PALM2AKAP2: variants seen among roughly 807,000 people sequenced by gnomAD.
PALM2AKAP2 encodes PALM2 and AKAP2 fusion.
A neutral mutation model predicts 71.5 loss-of-function variants in PALM2AKAP2; 37 were observed. The observed-to-expected ratio is 0.52, with a 90% CI of 0.40 to 0.68. The LOEUF is 0.68. Ranked by LOEUF, PALM2AKAP2 falls within the 30% of genes least tolerant of loss-of-function variation. The pLI is 0.00. For missense variants in PALM2AKAP2, 1,224 were observed against 1,191.8 expected, an observed-to-expected ratio of 1.03 and a Z score of -0.40; for synonymous variants, 468 against 478.8, an observed-to-expected ratio of 0.98 and a Z score of 0.29.
chr9:109,768,748 A>G (rs1170619874), intron 1 of PALM2AKAP2, among the ~76,000 whole-genome samples: 2 of 152,210 alleles, frequency 1.3e-5, no homozygotes, highest in Admixed American at 6.5e-5. Context: ...GGCTGATATG[A>G]GGTTTACATT....
At chr9:110,169,277 T>C (rs1299599673) in exon 4 of PALM2AKAP2, 1 of 152,672 alleles carries the variant, frequency 6.5e-6, no homozygotes, top group African/African-American at 2.4e-5. Context: ...TTCACAGTTA[T>C]GTTTCTTCAT....
At chr9:109,822,692 C>T (rs1214732695) in intron 1 of PALM2AKAP2, among the ~76,000 whole-genome samples, 1 of 152,200 alleles carries the variant, frequency 6.6e-6, no homozygotes, top group African/African-American at 2.4e-5. Flanking sequence ...TATGTTGCTG[C>T]AAAGGACATG....
intron 1 of PALM2AKAP2, among the ~76,000 whole-genome samples, chr9:109,739,900 G>T (rs183869340): frequency 2.0e-5 from 3 of 152,324 alleles, no homozygotes; most frequent in African/African-American, 7.2e-5. Flanking sequence ...ACACTGTCAT[G>T]TGTCATCTTG....
At chr9:110,147,319 C>A (rs1836201513) in intron 2 of PALM2AKAP2, among the ~76,000 whole-genome samples, 1 of 151,642 alleles carries the variant, frequency 6.6e-6, no homozygotes, top group African/African-American at 2.4e-5. Flanking sequence ...AGTCACTTCT[C>A]TGGATTCATA....
chr9:109,943,432 C>A (rs1009540812), intron 6 of PALM2AKAP2: 1 of 1,591,726 alleles, frequency 6.3e-7, no homozygotes, highest in Non-Finnish European at 8.5e-7. Flanking sequence ...GTGACCACTT[C>A]TTTCTTCTCC....
intron 1 of PALM2AKAP2, among the ~76,000 whole-genome samples, chr9:109,688,426 C>A (rs893847526): frequency 3.3e-5 from 5 of 152,220 alleles, no homozygotes; most frequent in Non-Finnish European, 7.3e-5. Context: ...GCATTCAGAG[C>A]CTTGCTCTAT....
At chr9:109,935,450 A>C (rs188533889) in intron 6 of PALM2AKAP2, among the ~76,000 whole-genome samples, 1 of 152,320 alleles carries the variant, frequency 6.6e-6, no homozygotes, top group South Asian at 2.1e-4. Flanking sequence ...CCCAAGGCAC[A>C]TGTTTCTGTG....
At chr9:109,962,481 AATC>A (rs1056890062) in intron 6 of PALM2AKAP2, among the ~76,000 whole-genome samples, 1 of 152,212 alleles carries the variant, frequency 6.6e-6, no homozygotes, top group Non-Finnish European at 1.5e-5. Flanking sequence ...TTGGGAAAAA[AATC>A]ATATGGCCCA....
At chr9:109,926,559 T>G (rs1379173372) in intron 5 of PALM2AKAP2, among the ~76,000 whole-genome samples, 1 of 152,170 alleles carries the variant, frequency 6.6e-6, no homozygotes, top group Non-Finnish European at 1.5e-5. Flanking sequence ...CAGGCTTCCC[T>G]GAGTCTGGGA....
At chr9:110,027,721 A>G (rs1833207134) in intron 7 of PALM2AKAP2, among the ~76,000 whole-genome samples, 1 of 152,216 alleles carries the variant, frequency 6.6e-6, no homozygotes, top group Admixed American at 6.5e-5. Context: ...AGAAGAGCAG[A>G]TGTTCTCTAT....
At chr9:110,044,963 G>A (rs1020203528), upstream of PALM2AKAP2, among the ~76,000 whole-genome samples, 6 of 152,180 alleles carry the variant, frequency 3.9e-5, no homozygotes, top group East Asian at 9.6e-4. Flanking sequence ...TTTGGGGAGA[G>A]AGGGAGAAGA....
intron 7 of PALM2AKAP2, among the ~76,000 whole-genome samples, chr9:110,032,634 T>G (rs1430688434): frequency 6.6e-6 from 1 of 151,328 alleles, no homozygotes; most frequent in Non-Finnish European, 1.5e-5. Context: ...GCGGCTGCAG[T>G]GAGCTGAGAT....
intron 1 of PALM2AKAP2, among the ~76,000 whole-genome samples, chr9:109,769,552 T>C (rs2118761616): frequency 6.6e-6 from 1 of 152,300 alleles, no homozygotes; most frequent in East Asian, 1.9e-4. Flanking sequence ...TGGACTAAGC[T>C]CAGATTCTGG....
intron 3 of PALM2AKAP2, among the ~76,000 whole-genome samples, chr9:110,159,636 T>C (rs1001857012): frequency 2.0e-5 from 3 of 151,992 alleles, no homozygotes; most frequent in Non-Finnish European, 4.4e-5. Context: ...TCGAGGAGAG[T>C]GAAAGACAGA....
chr9:110,145,891 CTTTTTTTTTTTT>C (rs61137720), intron 2 of PALM2AKAP2, among the ~76,000 whole-genome samples: 2 of 64,454 alleles, frequency 3.1e-5, no homozygotes, highest in South Asian at 6.4e-4. Context: ...CCTCACTCTT[CTTTTTTTTTTTT>C]TTTTTTTTTT....
At chr9:109,741,289 T>G (rs906145784) in intron 1 of PALM2AKAP2, among the ~76,000 whole-genome samples, 5 of 152,228 alleles carry the variant, frequency 3.3e-5, no homozygotes, top group African/African-American at 1.2e-4. Context: ...TTGTTGCAAA[T>G]ATCCATCGTT....
chr9:110,057,523 C>T (rs540795733), intron 1 of PALM2AKAP2, among the ~76,000 whole-genome samples: 9 of 152,088 alleles, frequency 5.9e-5, no homozygotes, highest in South Asian at 4.2e-4. Flanking sequence ...TGTCTACAGG[C>T]GCGTGCCACC....
At chr9:109,752,213 G>A (rs1828896487) in intron 1 of PALM2AKAP2, among the ~76,000 whole-genome samples, 1 of 152,210 alleles carries the variant, frequency 6.6e-6, no homozygotes, top group Non-Finnish European at 1.5e-5. Context: ...CTGGAGAAAG[G>A]CATTCAATGA....
At chr9:110,024,197 A>G (rs1047936379) in intron 7 of PALM2AKAP2, among the ~76,000 whole-genome samples, 5 of 152,144 alleles carry the variant, frequency 3.3e-5, no homozygotes, top group African/African-American at 1.2e-4. Context: ...CCATCACACA[A>G]TCCAGTTTTA....
Sources: gnomAD v4.1 joint callset for allele counts (sites outside exome capture counted in the v4.1 genomes callset) on GRCh38, gnomAD v4.1.1 for gene constraint, MANE v1.5 for transcripts, NCBI Gene and HGNC (gene_info 2026-07-23, HGNC 2026-07-21) for gene names.